The following TANC1 variants were observed in gnomAD, a reference collection of about 807,000 sequenced individuals.
TANC1 encodes the protein protein TANC1.
In TANC1, 77 loss-of-function variants were observed where a neutral mutation model predicts 149.7. The observed-to-expected ratio is 0.51, with a 90% CI of 0.43 to 0.62. The LOEUF (loss-of-function observed/expected upper bound fraction) is 0.62, where lower values mean the gene tolerates loss of function less well. TANC1 is among the 20% of genes least tolerant of loss of function. The pLI, the probability that TANC1 is intolerant of heterozygous loss-of-function variation, is 0.00. For missense variants in TANC1, 1,985 were observed against 2,321.8 expected (o/e 0.85, Z 2.98); for synonymous variants, 854 against 925.0 (o/e 0.92, Z 1.39).
intron 2 of TANC1, among the ~76,000 whole-genome samples, chr2:159,021,644 A>G (rs1271529805): frequency 6.6e-6 from 1 of 152,210 alleles, no homozygotes; most frequent in Admixed American, 6.5e-5. Flanking sequence ...AGAAAGAAAG[A>G]AAAAGTAATT....
At chr2:158,997,068 G>C (rs1452940558) in intron 1 of TANC1, among the ~76,000 whole-genome samples, 1 of 152,078 alleles carries the variant, frequency 6.6e-6, no homozygotes, top group Admixed American at 6.6e-5. Flanking sequence ...TCACTTAAGA[G>C]AGTGGGGACA....
chr2:158,994,964 C>T (rs2035999392), intron 1 of TANC1, among the ~76,000 whole-genome samples: 2 of 152,188 alleles, frequency 1.3e-5, no homozygotes, highest in African/African-American at 4.8e-5. Context: ...AAAGTGGAAA[C>T]ATGGAAGGCT....
intron 2 of TANC1, among the ~76,000 whole-genome samples, chr2:159,031,871 A>C (rs969191152): frequency 6.6e-6 from 1 of 152,228 alleles, no homozygotes. Flanking sequence ...TGTCATACAG[A>C]TTAGATTCCA....
chr2:159,031,086 C>A lies in TANC1; in HGVS notation c.-16+29897C>A, dbSNP rs1033868239. 4.9e-4 allele frequency among the ~76,000 whole-genome samples: 74 copies of A among 152,144 alleles called. 1 individual carries two copies. The highest frequency in any genetic ancestry group is 1.2e-4 in the Non-Finnish European group (8 of 68,042). On this transcript the variant is annotated intron_variant, in intron 2 of 26. Coordinates refer to ENST00000263635, the MANE Select transcript of TANC1 (RefSeq NM_033394.3). ...CCTGAGGAGTTAGCAGCAGATTATC[C>A]AGAGAGGGTCTCAGGCTCCTTATCA...
In TANC1 at chr2:159,194,326, A is replaced by G; in HGVS notation, c.2812A>G (p.Ile938Val). Residue 938 changes from isoleucine (I) to valine (V), a missense_variant, in exon 17 of 27, where the codon ATC (isoleucine) becomes GTC (valine). By Grantham distance (29) the Ile-to-Val change is conservative. Coordinates refer to ENST00000263635, the MANE Select transcript of TANC1 (RefSeq NM_033394.3). Reference sequence around the variant, plus strand: ...GACAGAAGTGTTAAATAATGCCCCAATCCTGTGCGTCCAGTCTCACCTTGG... The same window carrying G: ...GACAGAAGTGTTAAATAATGCCCCAGTCCTGTGCGTCCAGTCTCACCTTGG... ...YRTEVLNNAPILCVQSHLGHE... is the reference protein window; with the variant it reads ...YRTEVLNNAPVLCVQSHLGHE... The G allele has an allele frequency of 6.2e-7, 1 of 1,614,248 alleles. No individual in the cohort carries two copies. Among genetic ancestry groups the G allele is most frequent in the Non-Finnish European group, 8.5e-7 (1 of 1,180,044 alleles).
Position 159,227,708 on chromosome 2 carries a change from C to T in TANC1, c.3904-111C>T, listed in dbSNP as rs184112034. On this transcript the variant is annotated intron_variant, in intron 24 of 26. Coordinates refer to ENST00000263635, the MANE Select transcript of TANC1 (RefSeq NM_033394.3). ...CACTTGTTTGGATGCTTTCAATGTT[C>T]TGTCGTGGGTTTGCAGGGGGGAGTA... 31 of 1,174,200 alleles carry T rather than the reference C, an allele frequency of 2.6e-5. No individual in the cohort carries two copies. The East Asian group carries it at 7.5e-4, about 29-fold the overall frequency. 72.7% of individuals were successfully genotyped at this position (1,174,200 alleles called of 1,614,324 possible). A position where few individuals can be genotyped will look rare whatever the true frequency, so the allele number is the denominator to read the frequency against.
At chr2:159,085,420 C>T (rs1402910265) in intron 3 of TANC1, among the ~76,000 whole-genome samples, 2 of 152,156 alleles carry the variant, frequency 1.3e-5, no homozygotes, top group Non-Finnish European at 2.9e-5. Flanking sequence ...AGCAAGATGT[C>T]TGGCACACAA....
At chr2:159,117,692 G>A (rs529775494) in intron 4 of TANC1, among the ~76,000 whole-genome samples, 142 of 143,248 alleles carry the variant, frequency 9.9e-4, no homozygotes, top group Middle Eastern at 3.7e-3. Context: ...CACCGTGCCC[G>A]GCCTATTCCT....
chr2:159,150,143 G>A (rs909054363), intron 6 of TANC1: 3 of 424,524 alleles, frequency 7.1e-6, no homozygotes, highest in Admixed American at 7.9e-5. Flanking sequence ...CACAAAGGAG[G>A]GGAACCGAAC....
chr2:159,172,916 G>A (rs1391604916), intron 11 of TANC1, among the ~76,000 whole-genome samples: 1 of 152,198 alleles, frequency 6.6e-6, no homozygotes, highest in East Asian at 1.9e-4. Flanking sequence ...CAGCCATGGG[G>A]ACACCTTGTG....
intron 2 of TANC1, among the ~76,000 whole-genome samples, chr2:159,007,510 A>T (rs993102445): frequency 1.3e-5 from 2 of 152,162 alleles, no homozygotes; most frequent in Non-Finnish European, 2.9e-5. Context: ...ATTGTTTTAC[A>T]GTTGCCTACA....
intron 19 of TANC1, among the ~76,000 whole-genome samples, chr2:159,203,672 T>C (rs2058408879): frequency 6.6e-6 from 1 of 152,112 alleles, no homozygotes. Flanking sequence ...ACTCAGGTGC[T>C]CCTCCCACCT....
chr2:159,157,544 G>A (rs183131700), intron 7 of TANC1, among the ~76,000 whole-genome samples: 130 of 152,304 alleles, frequency 8.5e-4, no homozygotes, highest in Non-Finnish European at 1.3e-3. Flanking sequence ...TTCTGCGCGC[G>A]TTGCCTTGAC....
rs1383560469 is a variant in TANC1 at position 159,103,361 on chromosome 2, C to T, written c.259+5527C>T. Among the ~76,000 whole-genome samples, 2 of 95,638 alleles carry T rather than the reference C, an allele frequency of 2.1e-5. 1 individual carries two copies. Among genetic ancestry groups the T allele is most frequent in the African/African-American group, 5.8e-5 (2 of 34,484 alleles). The allele number at this position is 95,638 out of a possible 152,430, so 62.7% of individuals were successfully genotyped here. On this transcript the variant is annotated intron_variant, in intron 4 of 26. Transcript: ENST00000263635. ...AGAAAGGCTGTATTGATTTCATATT[C>T]CCCCCAGCATTCTTTGAGTGGCTGC...
intron 8 of TANC1, among the ~76,000 whole-genome samples, chr2:159,167,789 A>G (rs1386942608): frequency 6.6e-6 from 1 of 152,034 alleles, no homozygotes; most frequent in Non-Finnish European, 1.5e-5. Flanking sequence ...AAGGAATGAG[A>G]GAGGATGATA....
chr2:158,989,124 T>C (rs1321950766), intron 1 of TANC1, among the ~76,000 whole-genome samples: 1 of 152,138 alleles, frequency 6.6e-6, no homozygotes, highest in African/African-American at 2.4e-5. Context: ...GCACGTCTAG[T>C]TCATTTTGAA....
At chr2:158,981,896 A>C (rs77101394) in intron 1 of TANC1, among the ~76,000 whole-genome samples, 12,754 of 152,126 alleles carry the variant, frequency 0.084, 612 homozygotes, top group Middle Eastern at 0.11. Flanking sequence ...TGCTTATGCT[A>C]ATCTAAAATA....
At chr2:159,196,574 C>A (rs755757679) in intron 17 of TANC1, 34 bp from the exon 18 acceptor site, 9 of 1,558,332 alleles carry the variant, frequency 5.8e-6, no homozygotes, top group Non-Finnish European at 7.8e-6. Context: ...CAAAGTAATG[C>A]TCAGCTGTAA....
At chr2:159,150,152 A>G (rs2150316835) in intron 6 of TANC1, 1 of 439,626 alleles carries the variant, frequency 2.3e-6, no homozygotes, top group Non-Finnish European at 4.0e-6. Flanking sequence ...GGGGAACCGA[A>G]CAAAGATACT....
Sources: gnomAD v4.1 joint callset for allele counts (sites outside exome capture counted in the v4.1 genomes callset) on GRCh38, gnomAD v4.1.1 for gene constraint, MANE v1.5 for transcripts, NCBI Gene and HGNC (gene_info 2026-07-23, HGNC 2026-07-21) for gene names.